FAT4: variants seen among roughly 807,000 people sequenced by gnomAD.
The protein encoded by FAT4 is protocadherin Fat 4.
A neutral mutation model predicts 303.9 loss-of-function variants in FAT4; 84 were observed. That is an observed-to-expected ratio of 0.28 (90% CI 0.23 to 0.33). The LOEUF (loss-of-function observed/expected upper bound fraction) is 0.33, where lower values mean the gene tolerates loss of function less well. Ranked by LOEUF, FAT4 falls within the 10% of genes least tolerant of loss-of-function variation. The probability of loss-of-function intolerance (pLI) is 1.00; values close to 1 mark genes in which losing one functional copy is unlikely to be tolerated. For missense variants in FAT4, 6,005 were observed against 6,146.8 expected (o/e 0.98, Z 0.77); for synonymous variants, 2,307 against 2,298.8 (o/e 1.00, Z -0.10).
intron 5 of FAT4, among the ~76,000 whole-genome samples, chr4:125,410,228 C>T (rs929402709): frequency 6.6e-6 from 1 of 152,108 alleles, no homozygotes; most frequent in Non-Finnish European, 1.5e-5. Flanking sequence ...AAAATAGATA[C>T]AGCTGTAATG....
intron 13 of FAT4, 136 bp from the exon 14 acceptor site, chr4:125,477,019 A>G (rs1437410191): frequency 3.6e-6 from 2 of 556,098 alleles, no homozygotes; most frequent in Admixed American, 8.3e-5. Context: ...ACACTCTTCT[A>G]CATATTTTCC....
chr4:125,396,491 A>G (rs148404103), intron 2 of FAT4, among the ~76,000 whole-genome samples: 33 of 152,218 alleles, frequency 2.2e-4, no homozygotes, highest in African/African-American at 7.7e-4. Context: ...GTGTCAATCT[A>G]GACCTTCCTT....
intron 2 of FAT4, among the ~76,000 whole-genome samples, chr4:125,339,748 G>A (rs948256029): frequency 6.6e-6 from 1 of 152,088 alleles, no homozygotes; most frequent in African/African-American, 2.4e-5. Context: ...ATACAATTAG[G>A]AAGACCTAGA....
At chr4:125,350,751 T>C (rs1732190907) in intron 2 of FAT4, among the ~76,000 whole-genome samples, 3 of 151,680 alleles carry the variant, frequency 2.0e-5, no homozygotes, top group African/African-American at 2.4e-5. Flanking sequence ...AAGTTCCTGC[T>C]GATTTCCTTG....
chr4:125,452,545 G>T lies in FAT4; in HGVS notation c.11535G>T (p.Leu3845=). The T allele has an allele frequency of 6.2e-7, 1 of 1,614,138 alleles. No homozygotes were observed. The highest frequency in any genetic ancestry group is 8.5e-7 in the Non-Finnish European group (1 of 1,180,030). ...TCATCATCGTGGCAAATGAACCTCT[G>T]CAGCCTTTCTTATGCAAGTGTCTGC... is the stretch of plus-strand genomic sequence containing the variant. ...LPVIIVANEP[L]QPFLCKCLPG... is the part of the protein sequence containing the mutation. Residue 3845 remains leucine, a synonymous_variant, in exon 10 of 18, where the codon CTG becomes CTT. Transcript: ENST00000394329.
chr4:125,434,904 T>C (rs1229178108), intron 8 of FAT4, among the ~76,000 whole-genome samples: 2 of 152,172 alleles, frequency 1.3e-5, no homozygotes, highest in African/African-American at 4.8e-5. Flanking sequence ...TTGGTGGTTC[T>C]CAACTCCAAG....
At chr4:125,326,530 T>G (rs1254248712) in intron 2 of FAT4, among the ~76,000 whole-genome samples, 1 of 152,098 alleles carries the variant, frequency 6.6e-6, no homozygotes, top group Non-Finnish European at 1.5e-5. Context: ...AAACTGAGTC[T>G]CAGATAAGTT....
chr4:125,448,767 C>T lies in FAT4; in HGVS notation c.7757C>T (p.Ser2586Phe), dbSNP rs370451325. The change falls in exon 10 of 18, where the codon TCT (serine) becomes TTT (phenylalanine). Residue 2586 changes from serine to phenylalanine, a missense_variant. Coordinates refer to ENST00000394329, the MANE Select transcript of FAT4 (RefSeq NM_001291303.3). Reference protein sequence around the residue: ...FMFPENQPVSSLVTTITGSSL... With the variant: ...FMFPENQPVSFLVTTITGSSL... ...TTTCCTGAAAACCAACCAGTCAGCTCTCTTGTCACCACCATCACAGGATCC... is the reference window on the plus strand; with the variant it reads ...TTTCCTGAAAACCAACCAGTCAGCTTTCTTGTCACCACCATCACAGGATCC... 2 of 1,612,134 alleles carry T rather than the reference C, an allele frequency of 1.2e-6. No homozygotes were observed. The highest frequency in any genetic ancestry group is 2.2e-5 in the East Asian group (1 of 44,878).
chr4:125,372,786 T>C (rs1310780011), intron 2 of FAT4, among the ~76,000 whole-genome samples: 1 of 152,126 alleles, frequency 6.6e-6, no homozygotes, highest in Non-Finnish European at 1.5e-5. Context: ...AATGGTCCAG[T>C]GAGAAAGAAA....
At chr4:125,348,779 A>G (rs541785276) in intron 2 of FAT4, among the ~76,000 whole-genome samples, 2 of 151,758 alleles carry the variant, frequency 1.3e-5, no homozygotes, top group East Asian at 1.9e-4. Flanking sequence ...CTTTTTCCTA[A>G]AAGGGTGTGC....
Position 125,398,810 on chromosome 4 carries a change from T to C in FAT4, c.5202T>C (p.Asn1734=), listed in dbSNP as rs201080617. 1.2e-6 allele frequency: 2 copies of C among 1,613,230 alleles called. No homozygotes were observed. The highest frequency in any genetic ancestry group is 2.2e-5 in the East Asian group (1 of 44,840). The change falls in exon 3 of 18, where the codon AAT becomes AAC. Residue 1734 remains asparagine (N), a synonymous_variant. Transcript: ENST00000394329. ...TAGAAATAACACTTCAGGATATCAATGACAATCCACCAGTATTTCCAACGG... is the reference window on the plus strand; with the variant it reads ...TAGAAATAACACTTCAGGATATCAACGACAATCCACCAGTATTTCCAACGG... ...AEVEITLQDI[N]DNPPVFPTDM...
intron 2 of FAT4, among the ~76,000 whole-genome samples, chr4:125,328,144 T>G (rs1351326358): frequency 6.6e-6 from 1 of 152,214 alleles, no homozygotes; most frequent in South Asian, 2.1e-4. Flanking sequence ...TATTTTCTAA[T>G]AATTTCAAGC....
At chr4:125,425,010 TA>T (rs2126036092) in intron 7 of FAT4, among the ~76,000 whole-genome samples, 1 of 152,304 alleles carries the variant, frequency 6.6e-6, no homozygotes, top group East Asian at 1.9e-4. Context: ...ACGTTTGAAA[TA>T]TTATAACTAA....
At chr4:125,375,268 C>G (rs1733268480) in intron 2 of FAT4, among the ~76,000 whole-genome samples, 1 of 152,196 alleles carries the variant, frequency 6.6e-6, no homozygotes, top group Non-Finnish European at 1.5e-5. Context: ...AACGTTTTCA[C>G]TGGCAACCTT....
Position 125,316,884 on chromosome 4 carries a change from C to G in FAT4, c.473C>G (p.Thr158Ser), listed in dbSNP as rs767365327. ...AGCGGACGCCAAGTCATCTTAGACA[C>G]CGCCACCGACTCGGACATCGGCTCA... is the stretch of plus-strand genomic sequence containing the variant. ...SSSGRQVILD[T>S]ATDSDIGSNG... The change falls in exon 2 of 18, where the codon ACC becomes AGC. Residue 158 changes from threonine (T) to serine (S), a missense_variant. Coordinates refer to ENST00000394329, the MANE Select transcript of FAT4 (RefSeq NM_001291303.3). This position sits in a 1 kb window ranked among gnomAD's most constrained non-coding sequence, Gnocchi z 5.7. 1.5e-5 allele frequency: 25 copies of G among 1,613,944 alleles called. No individual in the cohort carries two copies. Among genetic ancestry groups the G allele is most frequent in the Non-Finnish European group, 1.9e-5 (23 of 1,180,042 alleles).
chr4:125,467,019 C>T (rs1028912478), intron 11 of FAT4, among the ~76,000 whole-genome samples: 20 of 151,926 alleles, frequency 1.3e-4, no homozygotes, highest in South Asian at 1.2e-3. Context: ...CCTCGTGATC[C>T]GCCCACCTCG....
chr4:125,436,234 G>C (rs1004034381), intron 8 of FAT4, among the ~76,000 whole-genome samples: 1 of 151,524 alleles, frequency 6.6e-6, no homozygotes, highest in Non-Finnish European at 1.5e-5. Context: ...TCAAATGAAA[G>C]AGAGAAATCA....
At chr4:125,463,509 T>C in intron 10 of FAT4, 54 bp from the exon 11 acceptor site, 7 of 1,044,112 alleles carry the variant, frequency 6.7e-6, no homozygotes, top group South Asian at 1.6e-5. Flanking sequence ...GGTGTAACGG[T>C]GTTAATATAT....
intron 7 of FAT4, among the ~76,000 whole-genome samples, chr4:125,430,682 C>T (rs573898194): frequency 1.2e-4 from 18 of 151,626 alleles, no homozygotes; most frequent in African/African-American, 3.9e-4. Flanking sequence ...AAGAAGAGAA[C>T]TCCAAGTGCT....
Sources: allele counts gnomAD v4.1 joint callset (sites outside exome capture counted in the v4.1 genomes callset), GRCh38; gene constraint gnomAD v4.1.1; non-coding constraint Gnocchi (gnomAD v3.1); transcripts MANE v1.5; gene names NCBI Gene and HGNC (gene_info 2026-07-23, HGNC 2026-07-21).